SLC2A14: variants seen among roughly 807,000 people sequenced by gnomAD.
The protein encoded by SLC2A14 is solute carrier family 2 member 14.
A neutral mutation model predicts 43.0 loss-of-function variants in SLC2A14; 13 were observed. That is an observed-to-expected ratio of 0.30 (90% CI 0.20 to 0.48). SLC2A14 has a LOEUF of 0.48. SLC2A14 is among the 20% of genes least tolerant of loss of function. The pLI is 0.99. For synonymous variants in SLC2A14, 190 were observed against 233.8 expected (o/e 0.81, Z 1.71); for missense variants, 428 against 620.4 (o/e 0.69, Z 3.29).
chr12:7,859,410 A>G (rs1944423149), intron 2 of SLC2A14, among the ~76,000 whole-genome samples: 2 of 152,064 alleles, frequency 1.3e-5, no homozygotes, highest in Admixed American at 6.6e-5. Context: ...AAAAAAAAAA[A>G]GGAAATAAAT....
intron 3 of SLC2A14, among the ~76,000 whole-genome samples, chr12:7,832,393 T>C (rs1308142421): frequency 6.6e-6 from 1 of 152,196 alleles, no homozygotes. Context: ...AGAACAGCAC[T>C]GCCCAGGGTA....
chr12:7,878,390 C>T (rs1273814280), upstream of SLC2A14, among the ~76,000 whole-genome samples: 2 of 151,960 alleles, frequency 1.3e-5, no homozygotes, highest in Non-Finnish European at 1.5e-5. Context: ...TCCTGGGTAG[C>T]TGGGACTACA....
At chr12:7,840,024 A>G (rs954176263) in intron 2 of SLC2A14, 4 of 340,508 alleles carry the variant, frequency 1.2e-5, no homozygotes, top group South Asian at 9.0e-5. Flanking sequence ...AGGTGGGAGG[A>G]TCACTTGAGC....
At chr12:7,825,840 C>T (rs1463152649) in intron 7 of SLC2A14, among the ~76,000 whole-genome samples, 1 of 151,144 alleles carries the variant, frequency 6.6e-6, no homozygotes, top group Non-Finnish European at 1.5e-5. Flanking sequence ...TGGGAGGAGT[C>T]TGTTCCTCAG....
In SLC2A14 at chr12:7,826,881, C is replaced by CTTTCTTTCTTTCTT. The variant is rs1565507965; in HGVS notation, c.864+600_864+613dup. 3.2e-4 allele frequency among the ~76,000 whole-genome samples: 15 copies of CTTTCTTTCTTTCTT among 46,504 alleles called. 3 individuals carry two copies. Among genetic ancestry groups the CTTTCTTTCTTTCTT allele is most frequent in the Middle Eastern group, 9.3e-3 (1 of 108 alleles). 30.5% of individuals were successfully genotyped at this position (46,504 alleles called of 152,430 possible). A position where few individuals can be genotyped will look rare whatever the true frequency, so the allele number is the denominator to read the frequency against. On this transcript the variant is annotated intron_variant, in intron 7 of 10. Transcript: ENST00000431042. ...TTCTTTTTTCTTTCTTTCTTTCTTTCTTTCTTTCTTTCTTTCTTTCTTTCT... is the reference window on the plus strand; with the variant it reads ...TTCTTTTTTCTTTCTTTCTTTCTTTCTTTCTTTCTTTCTTTTTCTTTCTTTCTTTCTTTCTTTCT...
intron 1 of SLC2A14, chr12:7,871,392 C>A (rs754604075): frequency 3.1e-5 from 10 of 326,890 alleles, no homozygotes; most frequent in African/African-American, 2.2e-4. Context: ...CCAGCCCTCG[C>A]GACACCCTGG....
At chr12:7,863,485 G>A (rs1163482745) in intron 2 of SLC2A14, 1 of 444,606 alleles carries the variant, frequency 2.2e-6, no homozygotes, top group Admixed American at 2.4e-5. Flanking sequence ...AAATTAGCTG[G>A]GTGTGCTGGT....
intron 10 of SLC2A14, among the ~76,000 whole-genome samples, chr12:7,815,871 T>A (rs1863397106): frequency 7.1e-6 from 1 of 140,602 alleles, no homozygotes; most frequent in Non-Finnish European, 1.6e-5. Flanking sequence ...CCACCGTGCC[T>A]GGCCAGTTTT....
At chr12:7,877,830 C>T (rs1435899197), upstream of SLC2A14, among the ~76,000 whole-genome samples, 1 of 152,106 alleles carries the variant, frequency 6.6e-6, no homozygotes, top group Non-Finnish European at 1.5e-5. Context: ...ACAACCTCCA[C>T]CTCCCGGGTT....
chr12:7,848,808 G>A (rs192506390), intron 2 of SLC2A14, among the ~76,000 whole-genome samples: 19 of 151,048 alleles, frequency 1.3e-4, no homozygotes, highest in Admixed American at 6.6e-4. Flanking sequence ...CACCCGCTTC[G>A]ACCTCCCAAA....
At chr12:7,856,309 T>C (rs182424619) in intron 2 of SLC2A14, 2 of 152,136 alleles carry the variant, frequency 1.3e-5, no homozygotes, top group African/African-American at 4.8e-5. Flanking sequence ...AGTATGATAA[T>C]CTCCCACGAG....
At chr12:7,842,827 C>T (rs1216360746) in intron 2 of SLC2A14, among the ~76,000 whole-genome samples, 1 of 151,542 alleles carries the variant, frequency 6.6e-6, no homozygotes, top group African/African-American at 2.4e-5. Flanking sequence ...CTCCCGCGTT[C>T]AAGTGATTCT....
upstream of SLC2A14, among the ~76,000 whole-genome samples, chr12:7,873,819 A>AG (rs1047467340): frequency 9.9e-5 from 15 of 152,228 alleles, no homozygotes; most frequent in African/African-American, 3.1e-4. Context: ...GGTGCCATCC[A>AG]GGGTAAGGCC....
At position 7,882,171 on chromosome 12, in the gene SLC2A14, T is replaced by C. The variant is rs184614271; in HGVS notation, c.132+8825A>G. Among the ~76,000 whole-genome samples, 140 of 152,100 alleles carry C rather than the reference T, an allele frequency of 9.2e-4. 2 individuals are homozygous for C. The highest frequency in any genetic ancestry group is 1.3e-3 in the Admixed American group (20 of 15,260). On this transcript the variant is annotated intron_variant, in intron 1 of 9. Coordinates refer to the SLC2A14 transcript ENST00000539924. ...GCACTGCTTTTATGAGCTGTAACAC[T>C]CACCGTGAAAGTCTGTAGCTTTACT... is the stretch of plus-strand genomic sequence containing the variant.
intron 1 of SLC2A14, among the ~76,000 whole-genome samples, chr12:7,882,141 G>T (rs1447704749): frequency 1.3e-5 from 2 of 151,904 alleles, no homozygotes; most frequent in Non-Finnish European, 2.9e-5. Context: ...TCAGTTTTTG[G>T]GTCTGCACTG....
chr12:7,814,801 A>G (rs772541777), intron 10 of SLC2A14, among the ~76,000 whole-genome samples: 5 of 151,168 alleles, frequency 3.3e-5, no homozygotes, highest in Admixed American at 1.3e-4. Context: ...GAGTATTATT[A>G]TTATTATTAT....
chr12:7,832,422 T>C (rs911572249), intron 3 of SLC2A14, among the ~76,000 whole-genome samples: 3 of 152,148 alleles, frequency 2.0e-5, no homozygotes, highest in Non-Finnish European at 2.9e-5. Flanking sequence ...AAATGACCTT[T>C]TTCCTTTGAT....
chr12:7,819,110 G>A (rs985461176), intron 9 of SLC2A14, among the ~76,000 whole-genome samples: 9 of 152,008 alleles, frequency 5.9e-5, no homozygotes, highest in Admixed American at 2.0e-4. Context: ...ACAGCTACTC[G>A]GGAGGCTGAT....
chr12:7,839,974 T>C (rs1865802460), intron 2 of SLC2A14: 2 of 374,810 alleles, frequency 5.3e-6, no homozygotes, highest in African/African-American at 2.2e-5. Flanking sequence ...TAGTGAGGCA[T>C]GGTGGTTTGC....
Sources: gnomAD v4.1 joint callset for allele counts (sites outside exome capture counted in the v4.1 genomes callset) on GRCh38, gnomAD v4.1.1 for gene constraint, MANE v1.5 for transcripts, NCBI Gene and HGNC (gene_info 2026-07-23, HGNC 2026-07-21) for gene names.